The following GOLM2 variants were observed in gnomAD, a reference collection of about 807,000 sequenced individuals.
GOLM2 encodes the protein golgi membrane protein 2.
In GOLM2, 26 loss-of-function variants were observed where a neutral mutation model predicts 55.9. The observed-to-expected ratio is 0.47, with a 90% CI of 0.34 to 0.65. GOLM2 has a LOEUF of 0.65. Ranked by LOEUF, GOLM2 falls within the 30% of genes least tolerant of loss-of-function variation. GOLM2 has a pLI of 0.01. For missense variants in GOLM2, 486 were observed against 531.8 expected, an observed-to-expected ratio of 0.91 and a Z score of 0.85; for synonymous variants, 165 against 194.6, an observed-to-expected ratio of 0.85 and a Z score of 1.27.
chr15:44,385,916 T>C (rs2079441042), intron 8 of GOLM2, among the ~76,000 whole-genome samples: 1 of 152,192 alleles, frequency 6.6e-6, no homozygotes, highest in African/African-American at 2.4e-5. Context: ...AAGAGGTTTT[T>C]GAAAAGGTAT....
chr15:44,359,828 A>G (rs1194046793), intron 6 of GOLM2, among the ~76,000 whole-genome samples: 1 of 152,252 alleles, frequency 6.6e-6, no homozygotes, highest in Non-Finnish European at 1.5e-5. Context: ...CACAAAGGGA[A>G]GCCCATCAGA....
chr15:44,380,828 A>T lies in GOLM2; in HGVS notation c.924A>T (p.Gly308=). 6.4e-7 allele frequency: 1 copy of T among 1,554,658 alleles called. No homozygotes were observed. The highest frequency in any genetic ancestry group is 8.7e-7 in the Non-Finnish European group (1 of 1,151,466). ...MPPDSHINHN[G]NPGTSKQNPS... ...CAGATTCACACATAAACCACAATGG[A>T]AACCCCGGTACTTCAAAACAGAATC... is the stretch of plus-strand genomic sequence containing the variant. The change falls in exon 8 of 10, where the codon GGA becomes GGT. Residue 308 remains glycine, a synonymous_variant. Transcript: ENST00000299957.
At chr15:44,368,182 G>C (rs1837924077) in intron 6 of GOLM2, among the ~76,000 whole-genome samples, 1 of 151,788 alleles carries the variant, frequency 6.6e-6, no homozygotes. Context: ...TTGTCACCCA[G>C]GCTGGAGTGC....
chr15:44,359,517 G>A (rs1315421944), intron 6 of GOLM2, among the ~76,000 whole-genome samples: 1 of 152,162 alleles, frequency 6.6e-6, no homozygotes, highest in Non-Finnish European at 1.5e-5. Flanking sequence ...GAACCCGGGA[G>A]GCAGAGCTTG....
chr15:44,372,803 C>T (rs2079336834), intron 6 of GOLM2, among the ~76,000 whole-genome samples: 1 of 152,076 alleles, frequency 6.6e-6, no homozygotes. Flanking sequence ...TCCTGTCTCC[C>T]TCATTTCTAA....
At chr15:44,390,628 C>T (rs1214545422) in intron 8 of GOLM2, among the ~76,000 whole-genome samples, 5 of 151,220 alleles carry the variant, frequency 3.3e-5, no homozygotes, top group Admixed American at 1.3e-4. Flanking sequence ...TGCAATGGCA[C>T]GATCTCGGCT....
At chr15:44,342,772 C>T (rs1335449949) in intron 6 of GOLM2, among the ~76,000 whole-genome samples, 1 of 152,172 alleles carries the variant, frequency 6.6e-6, no homozygotes, top group Non-Finnish European at 1.5e-5. Context: ...ATCTGGAGCT[C>T]CCTACATGCT....
chr15:44,403,176 C>G, intron 9 of GOLM2, 122 bp downstream of exon 9: 1 of 1,167,200 alleles, frequency 8.6e-7, no homozygotes, highest in Non-Finnish European at 1.2e-6. Context: ...TTTGTTTTTT[C>G]TTTGTGACGG....
At chr15:44,358,018 G>A (rs1332726294) in intron 6 of GOLM2, among the ~76,000 whole-genome samples, 3 of 152,140 alleles carry the variant, frequency 2.0e-5, no homozygotes, top group Admixed American at 6.6e-5. Context: ...AAAATCCCAG[G>A]AAGTTATTTT....
intron 9 of GOLM2, among the ~76,000 whole-genome samples, chr15:44,409,318 TG>T (rs1457572047): frequency 2.7e-5 from 4 of 148,066 alleles, no homozygotes; most frequent in Non-Finnish European, 1.5e-5. Flanking sequence ...CTGGGCGCGG[TG>T]GGTCATGCCT....
At chr15:44,351,694 C>T (rs1711644419) in intron 6 of GOLM2, among the ~76,000 whole-genome samples, 1 of 151,304 alleles carries the variant, frequency 6.6e-6, no homozygotes, top group South Asian at 2.1e-4. Flanking sequence ...AAAGACTCCA[C>T]CAAAAAACTA....
chr15:44,356,409 C>A (rs1030322164), intron 6 of GOLM2, among the ~76,000 whole-genome samples: 1 of 152,088 alleles, frequency 6.6e-6, no homozygotes, highest in Non-Finnish European at 1.5e-5. Flanking sequence ...CACTACAGAT[C>A]CCATGGACAT....
intron 3 of GOLM2, among the ~76,000 whole-genome samples, chr15:44,330,250 C>G (rs1407698917): frequency 6.9e-6 from 1 of 144,860 alleles, no homozygotes; most frequent in Non-Finnish European, 1.5e-5. Context: ...CAGTGGCTCA[C>G]GCCTGTAATC....
At chr15:44,391,499 A>G (rs2079489092) in intron 8 of GOLM2, among the ~76,000 whole-genome samples, 1 of 151,846 alleles carries the variant, frequency 6.6e-6, no homozygotes, top group Non-Finnish European at 1.5e-5. Flanking sequence ...CCTGGGCGAC[A>G]AAGTGAGACT....
intron 6 of GOLM2, among the ~76,000 whole-genome samples, chr15:44,342,194 A>G (rs1175411483): frequency 5.9e-5 from 9 of 151,778 alleles, no homozygotes. Context: ...CACCATATGC[A>G]GACATTTTCT....
chr15:44,328,640 C>T (rs931672747), intron 2 of GOLM2, 45 bp from the exon 3 acceptor site: 1 of 1,338,738 alleles, frequency 7.5e-7, no homozygotes, highest in Non-Finnish European at 1.1e-6. Context: ...GGAAGCATTA[C>T]AATGAGTGAA....
At chr15:44,302,667 T>G (rs1375292494) in intron 1 of GOLM2, among the ~76,000 whole-genome samples, 1 of 152,030 alleles carries the variant, frequency 6.6e-6, no homozygotes, top group Admixed American at 6.6e-5. Flanking sequence ...ATTTTTATTT[T>G]TTTTGTAGAG....
intron 1 of GOLM2, among the ~76,000 whole-genome samples, chr15:44,321,112 T>C (rs2078945185): frequency 6.6e-6 from 1 of 152,138 alleles, no homozygotes; most frequent in Admixed American, 6.5e-5. Flanking sequence ...TCTTAGTTGT[T>C]TTATACTTTC....
chr15:44,346,181 G>A (rs2079123348), intron 6 of GOLM2: 1 of 152,162 alleles, frequency 6.6e-6, no homozygotes, highest in South Asian at 2.1e-4. Flanking sequence ...GGGATTACAG[G>A]TGTGAGCCGC....
Sources: allele counts gnomAD v4.1 joint callset (sites outside exome capture counted in the v4.1 genomes callset), GRCh38; gene constraint gnomAD v4.1.1; transcripts MANE v1.5; gene names NCBI Gene and HGNC (gene_info 2026-07-23, HGNC 2026-07-21).